Variants in VAV3 observed in about 807,000 individuals in gnomAD.
The protein encoded by VAV3 is guanine nucleotide exchange factor VAV3.
A neutral mutation model predicts 131.2 loss-of-function variants in VAV3; 94 were observed. The ratio of observed to expected loss-of-function variants is 0.72; its 90% CI spans 0.61 to 0.85. VAV3 has a LOEUF of 0.85. VAV3 is among the 40% of genes least tolerant of loss of function. The probability of loss-of-function intolerance (pLI) is 0.00; values close to 1 mark genes in which losing one functional copy is unlikely to be tolerated. For synonymous variants in VAV3, 349 were observed against 342.0 expected (o/e 1.02, Z -0.22); for missense variants, 939 against 1,002.7 (o/e 0.94, Z 0.86).
intron 1 of VAV3, among the ~76,000 whole-genome samples, chr1:107,908,729 T>A (rs1056102686): frequency 5.3e-5 from 8 of 151,668 alleles, no homozygotes; most frequent in Admixed American, 4.6e-4. Flanking sequence ...ACAACAGGGG[T>A]AAGATGTGAC....
In VAV3 at chr1:107,674,100, C is replaced by T. The variant is rs111824055; in HGVS notation, c.1777+9388G>A. On this transcript the variant is annotated intron_variant, in intron 19 of 26. Coordinates refer to ENST00000370056, the MANE Select transcript of VAV3 (RefSeq NM_006113.5). ...ATAATCTGAAGGTAGTTTTTCAGAA[C>T]TGCATGATATTTAAAAACTATATAT... Among the ~76,000 whole-genome samples the T allele has an allele frequency of 6.6e-3, 1,001 of 152,298 alleles. 12 individuals carry two copies. Among genetic ancestry groups the T allele is most frequent in the African/African-American group, 0.023 (952 of 41,572 alleles).
chr1:107,925,977 AAATTGTTACAAGAATCAAC>A (rs920055399), intron 1 of VAV3, among the ~76,000 whole-genome samples: 2 of 151,954 alleles, frequency 1.3e-5, no homozygotes, highest in African/African-American at 4.8e-5. Context: ...CTAATGTAAA[AAATTGTTACAAGAATCAAC>A]AAGGGGCCAG....
chr1:107,815,182 G>A (rs1024874014), intron 2 of VAV3, among the ~76,000 whole-genome samples: 1 of 152,206 alleles, frequency 6.6e-6, no homozygotes, highest in African/African-American at 2.4e-5. Context: ...TCTCTCTTAG[G>A]AAGAAAATCC....
At chr1:107,783,272 C>A (rs914230753) in intron 2 of VAV3, among the ~76,000 whole-genome samples, 1 of 152,026 alleles carries the variant, frequency 6.6e-6, no homozygotes, top group African/African-American at 2.4e-5. Flanking sequence ...CTTTTTAAAG[C>A]AAAGTGAAGG....
chr1:107,588,762 T>G (rs1439257843), intron 25 of VAV3, among the ~76,000 whole-genome samples: 2 of 152,204 alleles, frequency 1.3e-5, no homozygotes, highest in Non-Finnish European at 2.9e-5. Context: ...GAATACTCCA[T>G]TGGAGATATT....
In VAV3 at chr1:107,826,216, C is replaced by A. The variant is rs58665924; in HGVS notation, c.322-46724G>T. Among the ~76,000 whole-genome samples the A allele has an allele frequency of 4.9e-3, 749 of 152,256 alleles. 6 individuals are homozygous for A. The highest frequency in any genetic ancestry group is 0.016 in the African/African-American group (662 of 41,552). On this transcript the variant is annotated intron_variant, in intron 2 of 26. Transcript: ENST00000370056. ...TCTACACATTTACTATATTGTAAAT[C>A]CCTATCTACACGATTAGGTTATAAT...
At chr1:107,884,768 T>G (rs1333873802) in intron 1 of VAV3, among the ~76,000 whole-genome samples, 1 of 151,994 alleles carries the variant, frequency 6.6e-6, no homozygotes, top group African/African-American at 2.4e-5. Flanking sequence ...ATTAAACAAT[T>G]TTTTAAAATA....
chr1:107,957,441 G>C (rs1003922186), intron 1 of VAV3, among the ~76,000 whole-genome samples: 1 of 152,136 alleles, frequency 6.6e-6, no homozygotes, highest in South Asian at 2.1e-4. Flanking sequence ...CATACCTATG[G>C]AGCCACTGTA....
At chr1:107,696,130 A>C (rs1423870145) in intron 17 of VAV3, among the ~76,000 whole-genome samples, 2 of 152,246 alleles carry the variant, frequency 1.3e-5, no homozygotes, top group East Asian at 3.8e-4. Context: ...TTTTTAATCA[A>C]TGATATCTGT....
At chr1:107,741,809 A>G (rs1228686087) in intron 15 of VAV3, among the ~76,000 whole-genome samples, 1 of 152,204 alleles carries the variant, frequency 6.6e-6, no homozygotes, top group Non-Finnish European at 1.5e-5. Context: ...CCCAAATACC[A>G]TATGACTTGC....
chr1:107,777,135 C>T (rs2102214221), intron 4 of VAV3, 96 bp downstream of exon 4: 2 of 1,116,598 alleles, frequency 1.8e-6, no homozygotes, highest in Non-Finnish European at 2.7e-6. Flanking sequence ...GCCACTTTTC[C>T]TCCTTCAGAT....
chr1:107,669,844 G>A (rs186414662), intron 19 of VAV3, among the ~76,000 whole-genome samples: 3 of 152,264 alleles, frequency 2.0e-5, no homozygotes, highest in Admixed American at 6.5e-5. Flanking sequence ...CTCCTTAGAG[G>A]AGAGAGTAAC....
chr1:107,607,845 G>A (rs1164165446), intron 22 of VAV3, among the ~76,000 whole-genome samples: 1 of 152,188 alleles, frequency 6.6e-6, no homozygotes, highest in Non-Finnish European at 1.5e-5. Flanking sequence ...GAAATAATGA[G>A]TAGATAATAT....
chr1:107,772,914 T>C (rs773924116), intron 4 of VAV3, 71 bp from the exon 5 acceptor site: 1 of 1,266,794 alleles, frequency 7.9e-7, no homozygotes, highest in Non-Finnish European at 1.1e-6. Context: ...AATAGCCTAC[T>C]GGATTTTAGT....
intron 26 of VAV3, 148 bp downstream of exon 26, chr1:107,573,899 A>AC: frequency 1.9e-6 from 2 of 1,040,568 alleles, no homozygotes; most frequent in South Asian, 4.4e-5. Context: ...TATCAGCAAA[A>AC]CACAGCACCA....
chr1:107,850,460 C>G (rs1348754658), intron 2 of VAV3, among the ~76,000 whole-genome samples: 2 of 151,838 alleles, frequency 1.3e-5, no homozygotes, highest in African/African-American at 4.8e-5. Flanking sequence ...TATCAGCAAA[C>G]TAACACAGGA....
intron 15 of VAV3, among the ~76,000 whole-genome samples, chr1:107,722,048 C>T (rs895096333): frequency 2.6e-5 from 4 of 152,172 alleles, no homozygotes; most frequent in Non-Finnish European, 4.4e-5. Context: ...GGACTTTATT[C>T]TGGTGGTTAG....
chr1:107,781,640 G>A (rs1665697266), intron 2 of VAV3, among the ~76,000 whole-genome samples: 1 of 152,200 alleles, frequency 6.6e-6, no homozygotes, highest in Admixed American at 6.5e-5. Flanking sequence ...GTGACTAGAT[G>A]AGCTAATTTA....
intron 19 of VAV3, among the ~76,000 whole-genome samples, chr1:107,658,313 G>GT (rs1453136595): frequency 6.6e-6 from 1 of 152,186 alleles, no homozygotes; most frequent in Non-Finnish European, 1.5e-5. Context: ...ATTCCACGGT[G>GT]TATATGTGCC....
Sources: gnomAD v4.1 joint callset for allele counts (sites outside exome capture counted in the v4.1 genomes callset) on GRCh38, gnomAD v4.1.1 for gene constraint, MANE v1.5 for transcripts, NCBI Gene and HGNC (gene_info 2026-07-23, HGNC 2026-07-21) for gene names.